CEP350: variants seen among roughly 807,000 people sequenced by gnomAD.
CEP350 encodes centrosome-associated protein 350.
Under a neutral mutation model 331.8 loss-of-function variants are expected in CEP350, and 126 were observed. That is an observed-to-expected ratio of 0.38 (90% CI 0.33 to 0.44). CEP350 has a LOEUF of 0.44. CEP350 is among the 20% of genes least tolerant of loss of function. The pLI is 1.00. For missense variants in CEP350, 3,406 were observed against 3,634.6 expected, an observed-to-expected ratio of 0.94 and a Z score of 1.62; for synonymous variants, 1,200 against 1,259.5, an observed-to-expected ratio of 0.95 and a Z score of 1.00.
intron 8 of CEP350, 25 bp from the exon 9 acceptor site, chr1:180,011,904 A>G (rs1200549358): frequency 6.5e-7 from 1 of 1,533,978 alleles, no homozygotes; most frequent in South Asian, 1.2e-5. Context: ...TTAAGTTTTA[A>G]TTTCAGTGCC....
At chr1:180,065,957 G>C (rs1356290491) in intron 27 of CEP350, among the ~76,000 whole-genome samples, 1 of 152,022 alleles carries the variant, frequency 6.6e-6, no homozygotes, top group African/African-American at 2.4e-5. Context: ...GTGACTCTCT[G>C]GCATCTCTCA....
intron 6 of CEP350, among the ~76,000 whole-genome samples, chr1:180,002,566 A>G (rs1028833188): frequency 3.9e-5 from 6 of 152,320 alleles, no homozygotes; most frequent in East Asian, 1.9e-4. Context: ...AATAAGTTAA[A>G]CATAGAGTTA....
chr1:180,070,528 A>G (rs1487049355), intron 27 of CEP350, among the ~76,000 whole-genome samples: 1 of 152,142 alleles, frequency 6.6e-6, no homozygotes, highest in Non-Finnish European at 1.5e-5. Flanking sequence ...AAGCCATAAA[A>G]TAAAGTCCCT....
At chr1:180,032,191 T>A (rs1392181850) in intron 15 of CEP350, among the ~76,000 whole-genome samples, 1 of 152,140 alleles carries the variant, frequency 6.6e-6, no homozygotes, top group Non-Finnish European at 1.5e-5. Flanking sequence ...TTTGTCCATA[T>A]GACTTTTCAT....
Position 180,054,449 on chromosome 1 carries a change from C to T in CEP350, c.5209C>T (p.Pro1737Ser). ...LRDKGEDDKMPPLRKKQRGLL... is the reference protein window; with the variant it reads ...LRDKGEDDKMSPLRKKQRGLL... ...AGACAAAGGAGAGGATGATAAAATG[C>T]CCCCGCTCCGGAAGAAACAGCGTGG... Residue 1737 changes from proline (P) to serine (S), a missense_variant, in exon 25 of 38, where the codon CCC becomes TCC. Physicochemically the swap from Pro to Ser is moderately conservative, Grantham distance 74 (BLOSUM62 -1). Transcript: ENST00000367607. 1 of 1,599,798 alleles carries T rather than the reference C, an allele frequency of 6.3e-7. No individual in the cohort carries two copies. The highest frequency in any genetic ancestry group is 8.5e-7 in the Non-Finnish European group (1 of 1,172,850).
intron 31 of CEP350, among the ~76,000 whole-genome samples, chr1:180,086,354 G>T (rs796509484): frequency 2.0e-5 from 3 of 152,168 alleles, no homozygotes; most frequent in African/African-American, 7.2e-5. Flanking sequence ...ATAACTGTTG[G>T]AGATAAAGTA....
intron 1 of CEP350, among the ~76,000 whole-genome samples, chr1:179,956,051 A>G (rs1018348013): frequency 1.3e-5 from 2 of 152,336 alleles, no homozygotes; most frequent in Admixed American, 1.3e-4. Flanking sequence ...ATAAAATACT[A>G]AAAGTTGCCC....
intron 12 of CEP350, among the ~76,000 whole-genome samples, chr1:180,021,519 G>A (rs1285464334): frequency 6.6e-6 from 1 of 152,072 alleles, no homozygotes; most frequent in Non-Finnish European, 1.5e-5. Flanking sequence ...TTAGCTGAGT[G>A]TGGTGGCATG....
chr1:180,073,095 TACTG>T (rs1257374774), intron 27 of CEP350, among the ~76,000 whole-genome samples: 1 of 152,194 alleles, frequency 6.6e-6, no homozygotes, highest in African/African-American at 2.4e-5. Flanking sequence ...TTTTTTTTTC[TACTG>T]ACTATTTATT....
intron 27 of CEP350, among the ~76,000 whole-genome samples, chr1:180,072,136 A>G (rs977567733): frequency 2.0e-5 from 3 of 152,172 alleles, no homozygotes; most frequent in African/African-American, 7.2e-5. Context: ...GGATGTATTT[A>G]TATTTAATAA....
In CEP350 at chr1:180,016,107, G is replaced by A. The variant is rs530897334; in HGVS notation, c.2174+137G>A. ...ATTTACAAATTGGTTCATATCTTCT[G>A]AAATTTAGGCATAGTGCACATCTGT... On this transcript the variant is annotated intron_variant, in intron 11 of 37. Transcript: ENST00000367607. 2.3e-4 allele frequency: 230 copies of A among 980,366 alleles called. 3 individuals are homozygous for A. In the South Asian group the frequency reaches 3.4e-3, roughly 15 times the overall value. The allele number at this position is 980,366 out of a possible 1,614,324, so 60.7% of individuals were successfully genotyped here.
intron 22 of CEP350, among the ~76,000 whole-genome samples, chr1:180,050,838 T>C (rs1479154919): frequency 6.6e-6 from 1 of 151,996 alleles, no homozygotes; most frequent in Non-Finnish European, 1.5e-5. Context: ...AAATTAAAAT[T>C]AAAATTACAA....
At chr1:180,032,288 A>G (rs1478161484) in intron 15 of CEP350, among the ~76,000 whole-genome samples, 1 of 152,130 alleles carries the variant, frequency 6.6e-6, no homozygotes, top group Non-Finnish European at 1.5e-5. Flanking sequence ...TGCTTTTTCT[A>G]GTACTGTGAC....
At position 180,004,937 on chromosome 1, in the gene CEP350, TTC is replaced by T. The variant is rs1467293053; in HGVS notation, c.1133-1515_1133-1514del. The stretch of plus-strand genomic sequence containing the variant: ...TTTCTTTCTTTCTTTCTTTCTTTCT[TTC>T]TTTCTTTCTTTCTTTCCCCTCTCTC... On this transcript the variant is annotated intron_variant, in intron 7 of 37. Transcript: ENST00000367607. Among the ~76,000 whole-genome samples the T allele has an allele frequency of 2.7e-4, 24 of 90,222 alleles. 1 individual carries two copies. The highest frequency in any genetic ancestry group is 8.3e-4 in the East Asian group (2 of 2,422). The allele number at this position is 90,222 out of a possible 152,430, so 59.2% of individuals were successfully genotyped here.
At chr1:180,071,243 A>C (rs1426027873) in intron 27 of CEP350, among the ~76,000 whole-genome samples, 1 of 150,934 alleles carries the variant, frequency 6.6e-6, no homozygotes, top group Non-Finnish European at 1.5e-5. Flanking sequence ...GGATCACCTG[A>C]GGTCAGGAGT....
rs537592937 is a variant in CEP350 at position 180,109,370 on chromosome 1, C to T, written c.9190-1627C>T. Among the ~76,000 whole-genome samples the T allele has an allele frequency of 8.7e-4, 133 of 152,086 alleles. 1 individual carries two copies. The highest frequency in any genetic ancestry group is 3.1e-3 in the African/African-American group (127 of 41,506). On this transcript the variant is annotated intron_variant, in intron 37 of 37. Transcript: ENST00000367607. The stretch of plus-strand genomic sequence containing the variant: ...CCTGACCTCGTGATCCACCCGTCTC[C>T]GCCTCCCAAAGTGCTAGGATTACAG...
At chr1:179,955,214 G>T in intron 1 of CEP350, 72 bp downstream of exon 1, 1 of 1,199,646 alleles carries the variant, frequency 8.3e-7, no homozygotes, top group African/African-American at 1.6e-5. Context: ...CCGCGGTCCC[G>T]GGTCCCCGGT....
Position 180,112,686 on chromosome 1 carries a change from A to G in CEP350, c.*1525A>G, listed in dbSNP as rs1199246920. ...CAAGACATCTACTGGATTCATATTT[A>G]CAAATATCCTGGAATGTTATAGCTT... On this transcript the variant is annotated 3_prime_UTR_variant, in exon 38 of 38. Transcript: ENST00000367607. 6.6e-6 allele frequency: 1 copy of G among 152,652 alleles called. No homozygotes were observed. The highest frequency in any genetic ancestry group is 1.9e-4 in the East Asian group (1 of 5,198). 9.5% of individuals were successfully genotyped at this position (152,652 alleles called of 1,614,324 possible). A position where few individuals can be genotyped will look rare whatever the true frequency, so the allele number is the denominator to read the frequency against.
intron 1 of CEP350, chr1:179,968,864 A>ATG: frequency 1.4e-6 from 1 of 740,730 alleles, no homozygotes; most frequent in South Asian, 1.3e-5. Flanking sequence ...AACCCCGCTG[A>ATG]TGTCAGTGTC....
Sources: gnomAD v4.1 joint callset for allele counts (sites outside exome capture counted in the v4.1 genomes callset) on GRCh38, gnomAD v4.1.1 for gene constraint, MANE v1.5 for transcripts, NCBI Gene and HGNC (gene_info 2026-07-23, HGNC 2026-07-21) for gene names.